The following SARDH variants were observed in gnomAD, a reference collection of about 807,000 sequenced individuals.
The protein encoded by SARDH is sarcosine dehydrogenase, also known as sarcosine dehydrogenase, mitochondrial.
SARDH carries 95 observed loss-of-function variants against 109.1 expected under a neutral mutation model. The observed-to-expected ratio is 0.87, with a 90% CI of 0.74 to 1.03. The LOEUF (loss-of-function observed/expected upper bound fraction) is 1.03. SARDH is among the 50% of genes least tolerant of loss of function. SARDH has a pLI of 0.00. For missense variants in SARDH, 1,267 were observed against 1,287.8 expected (o/e 0.98, Z 0.25); for synonymous variants, 572 against 534.8 (o/e 1.07, Z -0.96).
intron 11 of SARDH, among the ~76,000 whole-genome samples, chr9:133,705,789 G>C (rs1831673597): frequency 6.6e-6 from 1 of 152,200 alleles, no homozygotes; most frequent in Non-Finnish European, 1.5e-5. Flanking sequence ...ACCCTGACGT[G>C]ACTCTATTTG....
At position 133,730,179 on chromosome 9, in the gene SARDH, C is replaced by T. The variant is rs1391625335; in HGVS notation, c.699G>A (p.Glu233=). 2 of 1,614,064 alleles carry T rather than the reference C, an allele frequency of 1.2e-6. No individual in the cohort carries two copies. Among genetic ancestry groups the T allele is most frequent in the African/African-American group, 2.7e-5 (2 of 74,932 alleles). The change falls in exon 5 of 21, where the codon GAG becomes GAA. Residue 233 remains glutamate (E), a synonymous_variant. Transcript: ENST00000439388. ...CACGAATGCCGGTCACTGGGCAGTTCTCAATGACCTGGAATTGAGAGGAAC... is the reference window on the plus strand; with the variant it reads ...CACGAATGCCGGTCACTGGGCAGTTTTCAATGACCTGGAATTGAGAGGAAC... ...AASARGAQVI[E]NCPVTGIRVW...
rs1467795405 is a variant in SARDH, at chr9:133,710,612, T to C, written c.1328+2007A>G. Among the ~76,000 whole-genome samples the C allele has an allele frequency of 3.9e-5, 6 of 152,398 alleles. No homozygotes were observed. The East Asian group carries it at 9.6e-4, about 24-fold the overall frequency. On this transcript the variant is annotated intron_variant, in intron 10 of 20. Transcript: ENST00000439388. The stretch of plus-strand genomic sequence containing the variant: ...GCTCCGTTCTGGCGCCGACGCTCTC[T>C]GTTCACTTTCTTTTCTGGGTCTTTC...
Position 133,733,896 on chromosome 9 carries a change from G to A in SARDH, c.278C>T (p.Ala93Val), listed in dbSNP as rs1162367619. ...CAGCCGCTCCCGCTCCAGCAGCACC[G>A]CCCCACTCATGCCCAGCTTGGCCAG... ...YHLAKLGMSG[A>V]VLLERERLTS... The change falls in exon 2 of 21, where the codon GCG becomes GTG. Residue 93 changes from alanine (A) to valine (V), a missense_variant. Ala to Val is a moderately conservative substitution (Grantham distance 64, BLOSUM62 0). Coordinates refer to ENST00000439388, the MANE Select transcript of SARDH (RefSeq NM_001134707.2). The A allele has an allele frequency of 1.2e-5, 18 of 1,531,374 alleles. No individual in the cohort carries two copies. The highest frequency in any genetic ancestry group is 4.6e-5 in the East Asian group (2 of 43,044). The allele number at this position is 1,531,374 out of a possible 1,614,324, so 94.9% of individuals were successfully genotyped here.
rs563366406 is a variant in SARDH, at chr9:133,698,218, A to G, written c.1669-1857T>C. On this transcript the variant is annotated intron_variant, in intron 13 of 20. Coordinates refer to ENST00000439388, the MANE Select transcript of SARDH (RefSeq NM_001134707.2). Reference sequence around the variant, plus strand: ...AATGCTTAGGAATAAATTTAATTAAAAAGTCCCAAACTTATATCCTAAAAT... The same window carrying G: ...AATGCTTAGGAATAAATTTAATTAAGAAGTCCCAAACTTATATCCTAAAAT... Among the ~76,000 whole-genome samples the G allele has an allele frequency of 2.0e-5, 3 of 152,262 alleles. No individual in the cohort carries two copies. The East Asian group carries it at 5.8e-4, about 29-fold the overall frequency.
chr9:133,687,344 C>T (rs564900893), intron 16 of SARDH, among the ~76,000 whole-genome samples: 9 of 152,372 alleles, frequency 5.9e-5, no homozygotes, highest in African/African-American at 1.9e-4. Flanking sequence ...AATCACAGCT[C>T]GCTGCAGCCT....
rs1831946974 is a variant in SARDH, at chr9:133,712,198, G to A, written c.1328+421C>T. On this transcript the variant is annotated intron_variant, in intron 10 of 20. Transcript: ENST00000439388. This position sits in a 1 kb window ranked among gnomAD's most constrained non-coding sequence, Gnocchi z 4.1. ...TGGCTTGCACTGGGTCTCATTCCTG[G>A]CCGCTTTGTCAGTGTACGATTGAAC... Among the ~76,000 whole-genome samples, 1 of 152,182 alleles carries A rather than the reference G, an allele frequency of 6.6e-6. No homozygotes were observed. Among genetic ancestry groups the A allele is most frequent in the Admixed American group, 6.5e-5 (1 of 15,286 alleles).
At position 133,692,989 on chromosome 9, in the gene SARDH, G is replaced by A. The variant is rs780052927; in HGVS notation, c.1921+1269C>T. ...ACTACTCCCTGCTTTTGGCAGAACC[G>A]CAGAGGCCCAGGAGCCCCTGCCAGC... On this transcript the variant is annotated intron_variant, in intron 15 of 20. Coordinates refer to ENST00000439388, the MANE Select transcript of SARDH (RefSeq NM_001134707.2). This position sits in a 1 kb window ranked among gnomAD's most constrained non-coding sequence, Gnocchi z 5.0. 6.6e-6 allele frequency among the ~76,000 whole-genome samples: 1 copy of A among 152,032 alleles called. No individual in the cohort carries two copies. The highest frequency in any genetic ancestry group is 2.4e-5 in the African/African-American group (1 of 41,378).
At chr9:133,700,443 G>C (rs1000663683) in intron 13 of SARDH, among the ~76,000 whole-genome samples, 8 of 152,132 alleles carry the variant, frequency 5.3e-5, no homozygotes, top group Non-Finnish European at 1.2e-4. Context: ...GGAAGAAGCT[G>C]ATCACAAAAG....
chr9:133,738,628 C>A (rs748570404), upstream of SARDH, among the ~76,000 whole-genome samples: 1 of 152,236 alleles, frequency 6.6e-6, no homozygotes, highest in African/African-American at 2.4e-5. Context: ...CCAGGCACCA[C>A]CTGCCTGCTG....
At chr9:133,670,439 G>T in intron 19 of SARDH, 145 bp downstream of exon 19, 1 of 845,346 alleles carries the variant, frequency 1.2e-6, no homozygotes, top group Non-Finnish European at 1.8e-6. Flanking sequence ...ATCTGCAGTG[G>T]GCTGTTGGGT....
chr9:133,667,422 TC>T (rs1169798971), intron 19 of SARDH, among the ~76,000 whole-genome samples: 2 of 152,106 alleles, frequency 1.3e-5, no homozygotes, highest in East Asian at 3.9e-4. Context: ...CACCTCAGCC[TC>T]CCAAAGTGCT....
chr9:133,736,284 C>T (rs1282853134), intron 1 of SARDH, among the ~76,000 whole-genome samples: 2 of 152,242 alleles, frequency 1.3e-5, no homozygotes, highest in South Asian at 2.1e-4. Flanking sequence ...AGGGTGCATC[C>T]GCACCTAACT....
downstream of SARDH, among the ~76,000 whole-genome samples, chr9:133,660,858 C>G (rs1832403613): frequency 6.6e-6 from 1 of 152,254 alleles, no homozygotes; most frequent in Non-Finnish European, 1.5e-5. Context: ...GCTGTGCTTT[C>G]TGGTGGCTGC....
At chr9:133,700,736 C>T (rs952420548) in intron 13 of SARDH, among the ~76,000 whole-genome samples, 11 of 56,886 alleles carry the variant, frequency 1.9e-4, no homozygotes, top group Admixed American at 8.4e-4. Context: ...CACACGCACG[C>T]GCACACACAC....
rs1415360331 is a variant in SARDH, at chr9:133,728,910, G to A, written c.915+855C>T. Among the ~76,000 whole-genome samples, 1 of 152,110 alleles carries A rather than the reference G, an allele frequency of 6.6e-6. No homozygotes were observed. The highest frequency in any genetic ancestry group is 1.5e-5 in the Non-Finnish European group (1 of 68,028). On this transcript the variant is annotated intron_variant, in intron 6 of 20. Transcript: ENST00000439388. This position sits in a 1 kb window ranked among gnomAD's most constrained non-coding sequence, Gnocchi z 5.0. ...TGGGTGGGTGGATGGAAGGATATAT[G>A]AAAGAAGGGATGGACAGATGAACAT...
Position 133,696,257 on chromosome 9 carries a change from G to A in SARDH, c.1773C>T (p.Asp591=), listed in dbSNP as rs748217489. 3 of 1,614,156 alleles carry A rather than the reference G, an allele frequency of 1.9e-6. No individual in the cohort carries two copies. In the East Asian group the frequency reaches 6.7e-5, roughly 36 times the overall value. Residue 591 remains aspartate (D), a synonymous_variant, in exon 14 of 21, where the codon GAC becomes GAT. Transcript: ENST00000439388. ...GGCTGACATCTGCGGAGAAGAGCCA[G>A]TCGGCAGCCTTCCTTGCATCCAGCC... ...LVGLDARKAA[D]WLFSADVSRP...
In SARDH at chr9:133,729,808, A is replaced by G. The variant is rs1237395150; in HGVS notation, c.872T>C (p.Met291Thr). ...CTCGGTGACGACATAGGCATGGTGC[A>G]TGGCCACCAGCGGGACCTTGACTCC... The part of the protein sequence containing the change: ...MAGVKVPLVA[M>T]HHAYVVTERI... Residue 291 changes from methionine to threonine, a missense_variant, in exon 6 of 21, where the codon ATG (methionine) becomes ACG (threonine). By Grantham distance (81) the Met-to-Thr change is moderately conservative. Transcript: ENST00000439388. The G allele has an allele frequency of 3.1e-6, 5 of 1,612,794 alleles. No homozygotes were observed. Among genetic ancestry groups the G allele is most frequent in the East Asian group, 2.2e-5 (1 of 44,874 alleles).
chr9:133,681,952 A>G (rs129941), intron 17 of SARDH, among the ~76,000 whole-genome samples: 7,668 of 146,056 alleles, frequency 0.053, 651 homozygotes, highest in African/African-American at 0.18. Context: ...CCTAGAAAGC[A>G]TTGTGCTTCT....
At chr9:133,725,093 G>A (rs4979630) in intron 6 of SARDH, among the ~76,000 whole-genome samples, 38,692 of 151,966 alleles carry the variant, frequency 0.25, 5,411 homozygotes, top group East Asian at 0.34. Flanking sequence ...TGTACTACAC[G>A]GACAAAACCG....
Sources: allele counts gnomAD v4.1 joint callset (sites outside exome capture counted in the v4.1 genomes callset), GRCh38; gene constraint gnomAD v4.1.1; non-coding constraint Gnocchi (gnomAD v3.1); transcripts MANE v1.5; gene names NCBI Gene and HGNC (gene_info 2026-07-23, HGNC 2026-07-21).